PGAP2: variants seen among roughly 807,000 people sequenced by gnomAD.
PGAP2 encodes the protein post-GPI attachment to proteins 2.
In PGAP2, 21 loss-of-function variants were observed where a neutral mutation model predicts 33.2. The ratio of observed to expected loss-of-function variants is 0.63; its 90% CI spans 0.45 to 0.91. The LOEUF (loss-of-function observed/expected upper bound fraction) is 0.91. PGAP2 is among the 40% of genes least tolerant of loss of function. The pLI is 0.00. For synonymous variants in PGAP2, 161 were observed against 172.9 expected, an observed-to-expected ratio of 0.93 and a Z score of 0.54; for missense variants, 345 against 424.0, an observed-to-expected ratio of 0.81 and a Z score of 1.64.
chr11:3,798,380 A>G (rs1199809967), intron 1 of PGAP2, among the ~76,000 whole-genome samples: 2 of 151,870 alleles, frequency 1.3e-5, no homozygotes, highest in Non-Finnish European at 2.9e-5. Flanking sequence ...CCTAGGGTGG[A>G]GTGCATTGGC....
At chr11:3,798,139 G>T in intron 1 of PGAP2, 1 of 1,445,290 alleles carries the variant, frequency 6.9e-7, no homozygotes, top group African/African-American at 1.5e-5. Flanking sequence ...GCTTCTTCAG[G>T]GCCCTAAATC....
chr11:3,819,081 C>T (rs1011239375), intron 3 of PGAP2, among the ~76,000 whole-genome samples: 7 of 152,360 alleles, frequency 4.6e-5, no homozygotes, highest in Admixed American at 3.3e-4. Context: ...CAGGATCTCA[C>T]TCTGTCTCCC....
chr11:3,802,826 CTTT>C (rs142858427), intron 1 of PGAP2, among the ~76,000 whole-genome samples: 14,778 of 139,170 alleles, frequency 0.11, 1,009 homozygotes, highest in Middle Eastern at 0.16. Context: ...TGTTTTGTTT[CTTT>C]TTTTTTTTTT....
At chr11:3,814,418 G>C (rs7342191) in intron 2 of PGAP2, among the ~76,000 whole-genome samples, 1 of 151,850 alleles carries the variant, frequency 6.6e-6, no homozygotes, top group Admixed American at 6.6e-5. Flanking sequence ...CACCACACCT[G>C]GCTAATTTTT....
intron 1 of PGAP2, among the ~76,000 whole-genome samples, chr11:3,800,363 T>G (rs1169941839): frequency 6.6e-6 from 1 of 152,224 alleles, no homozygotes. Flanking sequence ...ACATTAGATA[T>G]TTGATGCACG....
chr11:3,810,976 G>A (rs564519648), intron 1 of PGAP2, among the ~76,000 whole-genome samples: 1 of 152,342 alleles, frequency 6.6e-6, no homozygotes, highest in African/African-American at 2.4e-5. Flanking sequence ...GCAGAGAGGA[G>A]TGAGGAGAAG....
intron 2 of PGAP2, among the ~76,000 whole-genome samples, chr11:3,817,124 C>T (rs369590255): frequency 9.7e-4 from 147 of 152,286 alleles, no homozygotes; most frequent in African/African-American, 3.3e-3. Context: ...TAGAGTATCA[C>T]TGTGCCAGGG....
At chr11:3,808,788 T>G (rs1249406344) in intron 1 of PGAP2, 137 bp downstream of exon 1, 1 of 252,458 alleles carries the variant, frequency 4.0e-6, no homozygotes, top group Non-Finnish European at 6.4e-6. Flanking sequence ...ACACTCTGTT[T>G]CCCAGGAACT....
intron 1 of PGAP2, among the ~76,000 whole-genome samples, chr11:3,802,160 A>G (rs1449212011): frequency 6.6e-6 from 1 of 151,330 alleles, no homozygotes; most frequent in Non-Finnish European, 1.5e-5. Flanking sequence ...CCAAAGTACA[A>G]GTAGATGTGC....
intron 3 of PGAP2, chr11:3,823,011 T>G: frequency 1.9e-6 from 2 of 1,053,986 alleles, no homozygotes; most frequent in Non-Finnish European, 2.7e-6. Flanking sequence ...GCACCCACTT[T>G]CTTTTTTCTT....
At position 3,825,378 on chromosome 11, in the gene PGAP2, G is replaced by A; in HGVS notation, c.868G>A (p.Ala290Thr). ...LEYTVVLTNM[A>T]FHMTAWWDFG... ...GTACACTGTTGTCTTAACCAACATG[G>A]CGTTCCACATGACGGCCTGGTGGGA... is the stretch of plus-strand genomic sequence containing the variant. The change falls in exon 7 of 7, where the codon GCG (alanine) becomes ACG (threonine). Residue 290 changes from alanine to threonine, a missense_variant. Around this residue, in one of 2 missense-constraint regions of PGAP2, gnomAD observed 311 missense variants for 353.6 expected, o/e 0.88. Coordinates refer to ENST00000278243, the MANE Select transcript of PGAP2 (RefSeq NM_014489.4). The A allele has an allele frequency of 6.2e-7, 1 of 1,613,906 alleles. No individual in the cohort carries two copies. The highest frequency in any genetic ancestry group is 8.5e-7 in the Non-Finnish European group (1 of 1,179,934).
chr11:3,820,396 T>C (rs905307592), intron 3 of PGAP2, among the ~76,000 whole-genome samples: 1 of 152,230 alleles, frequency 6.6e-6, no homozygotes, highest in African/African-American at 2.4e-5. Flanking sequence ...AGAATTCATA[T>C]GGCTTGGCAT....
intron 3 of PGAP2, among the ~76,000 whole-genome samples, chr11:3,819,223 T>C (rs751475291): frequency 6.6e-6 from 1 of 152,114 alleles, no homozygotes. Context: ...GGCTAATTCT[T>C]ATATTTTTTT....
chr11:3,820,482 A>G (rs190899030), intron 3 of PGAP2, among the ~76,000 whole-genome samples: 1 of 152,312 alleles, frequency 6.6e-6, no homozygotes, highest in East Asian at 1.9e-4. Flanking sequence ...CAGCCTGGCC[A>G]ACATGGTGAA....
upstream of PGAP2, among the ~76,000 whole-genome samples, chr11:3,806,458 C>A (rs1011168594): frequency 6.6e-6 from 1 of 152,156 alleles, no homozygotes; most frequent in Non-Finnish European, 1.5e-5. Flanking sequence ...GACTTCGGAG[C>A]CCCTCAGAGT....
intron 1 of PGAP2, among the ~76,000 whole-genome samples, chr11:3,798,708 A>T (rs1447155005): frequency 1.4e-5 from 2 of 147,272 alleles, no homozygotes; most frequent in Admixed American, 6.9e-5. Context: ...CAGTGGCACG[A>T]TCTCGGCTCA....
rs2085567300 is a variant in PGAP2, at chr11:3,811,527, A to G, written c.165+103A>G. 6 of 1,131,976 alleles carry G rather than the reference A, an allele frequency of 5.3e-6. No homozygotes were observed. The highest frequency in any genetic ancestry group is 7.4e-6 in the Non-Finnish European group (6 of 807,736). 70.1% of individuals were successfully genotyped at this position (1,131,976 alleles called of 1,614,324 possible). ...ATTAGCCAGCTCTCCACTGGGGCCC[A>G]TCAAACATACGGGGCTGCTGGGGGG... On this transcript the variant is annotated intron_variant, in intron 2 of 6. Transcript: ENST00000278243. This position sits in a 1 kb window ranked among gnomAD's most constrained non-coding sequence, Gnocchi z 4.6.
At position 3,814,746 on chromosome 11, in the gene PGAP2, TC is replaced by T. The variant is rs1565010929; in HGVS notation, c.166-2606del. 4.4e-5 allele frequency among the ~76,000 whole-genome samples: 4 copies of T among 91,000 alleles called. No homozygotes were observed. In the South Asian group the frequency reaches 1.2e-3, roughly 28 times the overall value. 59.7% of individuals were successfully genotyped at this position (91,000 alleles called of 152,430 possible). A position where few individuals can be genotyped will look rare whatever the true frequency, so the allele number is the denominator to read the frequency against. On this transcript the variant is annotated intron_variant, in intron 2 of 6. Transcript: ENST00000278243. ...TTCTTTCCTTCTTTCCTTCTTTCCT[TC>T]TTTTCTTTCTTTCTTTCTTTCTTTC...
At chr11:3,802,652 G>A (rs1227092731) in intron 1 of PGAP2, among the ~76,000 whole-genome samples, 2 of 152,270 alleles carry the variant, frequency 1.3e-5, no homozygotes, top group East Asian at 3.9e-4. Flanking sequence ...TGTAAGGACT[G>A]CAGAATTGTG....
Sources: gnomAD v4.1 joint callset for allele counts (sites outside exome capture counted in the v4.1 genomes callset) on GRCh38, gnomAD v4.1.1 for gene constraint, gnomAD v4.1.1 regional missense constraint, Gnocchi (gnomAD v3.1) non-coding constraint, MANE v1.5 for transcripts, NCBI Gene and HGNC (gene_info 2026-07-23, HGNC 2026-07-21) for gene names.